Variants in SCARF1 observed in about 807,000 individuals in gnomAD.
SCARF1 encodes the protein acetyl LDL receptor.
Under a neutral mutation model 76.3 loss-of-function variants are expected in SCARF1, and 49 were observed. That is an observed-to-expected ratio of 0.64 (90% CI 0.51 to 0.81). The LOEUF (loss-of-function observed/expected upper bound fraction) is 0.81. SCARF1 is among the 40% of genes least tolerant of loss of function. The pLI is 0.00. For missense variants in SCARF1, 1,098 were observed against 1,143.9 expected, an observed-to-expected ratio of 0.96 and a Z score of 0.58; for synonymous variants, 495 against 474.6, an observed-to-expected ratio of 1.04 and a Z score of -0.56.
At chr17:1,641,824 T>C (rs1287224508) in intron 4 of SCARF1, among the ~76,000 whole-genome samples, 1 of 152,166 alleles carries the variant, frequency 6.6e-6, no homozygotes, top group African/African-American at 2.4e-5. Flanking sequence ...CGGGTTCAAG[T>C]GATTCTCCTG....
Position 1,640,360 on chromosome 17 carries a change from C to A in SCARF1, c.1010+88G>T. 1 of 1,231,310 alleles carries A rather than the reference C, an allele frequency of 8.1e-7. No homozygotes were observed. Among genetic ancestry groups the A allele is most frequent in the South Asian group, 1.4e-5 (1 of 71,248 alleles). The allele number at this position is 1,231,310 out of a possible 1,614,324, so 76.3% of individuals were successfully genotyped here. On this transcript the variant is annotated intron_variant, in intron 5 of 10. Transcript: ENST00000263071. This position sits in a 1 kb window ranked among gnomAD's most constrained non-coding sequence, Gnocchi z 4.7. The stretch of plus-strand genomic sequence containing the variant: ...CCTGGGGCCGCATGAACCTGTGTGT[C>A]GGGGAGGGTGGTGCTCTCGGAGAGA...
chr17:1,636,298 G>A (rs1280478567), intron 10 of SCARF1, among the ~76,000 whole-genome samples: 2 of 152,182 alleles, frequency 1.3e-5, no homozygotes, highest in Non-Finnish European at 2.9e-5. Flanking sequence ...TCTCTTGCAT[G>A]CCCGGAGCCA....
intron 8 of SCARF1, 120 bp downstream of exon 8, chr17:1,638,684 CAT>C: frequency 3.1e-6 from 4 of 1,287,972 alleles, no homozygotes; most frequent in South Asian, 1.9e-5. Flanking sequence ...TCCCCACCCC[CAT>C]CACCTCTGAC....
chr17:1,642,039 CTG>C (rs1910093327), intron 4 of SCARF1, among the ~76,000 whole-genome samples: 1 of 152,144 alleles, frequency 6.6e-6, no homozygotes, highest in Non-Finnish European at 1.5e-5. Flanking sequence ...AAATTTCTTA[CTG>C]TGAGTGCAGC....
rs1004602141 is a variant in SCARF1, at chr17:1,643,837, C to T, written c.396G>A (p.Pro132=). 1.6e-6 allele frequency: 2 copies of T among 1,270,370 alleles called. No homozygotes were observed. The highest frequency in any genetic ancestry group is 6.3e-5 in the East Asian group (2 of 31,700). The allele number at this position is 1,270,370 out of a possible 1,614,324, so 78.7% of individuals were successfully genotyped here. Residue 132 remains proline, a synonymous_variant, in exon 4 of 11, where the codon CCG becomes CCA. Coordinates refer to ENST00000263071, the MANE Select transcript of SCARF1 (RefSeq NM_003693.4). ...ADRWGARCEF[P]CACGPHGRCD... ...AGCGCCCGTGGGGGCCGCAGGCGCA[C>T]GGGAACTCGCAGCGGGCTCCCCAGC...
Position 1,644,493 on chromosome 17 carries a change from G to A in SCARF1, c.265+341C>T, listed in dbSNP as rs1313086012. On this transcript the variant is annotated intron_variant, in intron 3 of 10. Transcript: ENST00000263071. This position sits in a 1 kb window ranked among gnomAD's most constrained non-coding sequence, Gnocchi z 4.8. ...AGAGAGGGCAGAGAGCCCAGCCAGG[G>A]GCCCCCTTCCATCCACTGCCCATGT... The A allele has an allele frequency of 1.3e-5, 5 of 376,676 alleles. No individual in the cohort carries two copies. Among genetic ancestry groups the A allele is most frequent in the Non-Finnish European group, 2.4e-5 (5 of 206,850 alleles). 23.3% of individuals were successfully genotyped at this position (376,676 alleles called of 1,614,324 possible). A position where few individuals can be genotyped will look rare whatever the true frequency, so the allele number is the denominator to read the frequency against.
chr17:1,635,921 C>T (rs1909522044), intron 10 of SCARF1, among the ~76,000 whole-genome samples: 1 of 152,044 alleles, frequency 6.6e-6, no homozygotes, highest in African/African-American at 2.4e-5. Flanking sequence ...CACACCTGGT[C>T]TCTATACTCT....
chr17:1,634,705 C>A lies in SCARF1; in HGVS notation c.*53G>T. 6.6e-7 allele frequency: 1 copy of A among 1,509,584 alleles called. No homozygotes were observed. Among genetic ancestry groups the A allele is most frequent in the South Asian group, 1.4e-5 (1 of 72,600 alleles). The allele number at this position is 1,509,584 out of a possible 1,614,324, so 93.5% of individuals were successfully genotyped here. On this transcript the variant is annotated 3_prime_UTR_variant, in exon 11 of 11. Coordinates refer to ENST00000263071, the MANE Select transcript of SCARF1 (RefSeq NM_003693.4). Reference sequence around the variant, plus strand: ...TCCTGGCCCCGGGATCATTTTCCAGCACACAGCACAGTCTAGTCCATCCAC... The same window carrying A: ...TCCTGGCCCCGGGATCATTTTCCAGAACACAGCACAGTCTAGTCCATCCAC...
chr17:1,636,659 T>G, intron 10 of SCARF1, 50 bp downstream of exon 10: 6 of 1,575,934 alleles, frequency 3.8e-6, no homozygotes, highest in Non-Finnish European at 5.2e-6. Flanking sequence ...AAAGAGGGGG[T>G]CGTGGTGGGC....
chr17:1,641,867 G>A (rs1376657229), intron 4 of SCARF1, among the ~76,000 whole-genome samples: 8 of 152,130 alleles, frequency 5.3e-5, no homozygotes, highest in East Asian at 3.9e-4. Flanking sequence ...GATTACAGGC[G>A]CCCAACACCA....
At chr17:1,636,032 T>C (rs193039756) in intron 10 of SCARF1, among the ~76,000 whole-genome samples, 1 of 152,268 alleles carries the variant, frequency 6.6e-6, no homozygotes, top group Admixed American at 6.5e-5. Context: ...TCTGGGCCTT[T>C]GTGTATGCTG....
chr17:1,643,880 C>A lies in SCARF1; in HGVS notation c.353G>T (p.Cys118Phe). Residue 118 changes from cysteine (C) to phenylalanine (F), a missense_variant, in exon 4 of 11, where the codon TGC (cysteine) becomes TTC (phenylalanine). Coordinates refer to ENST00000263071, the MANE Select transcript of SCARF1 (RefSeq NM_003693.4). The stretch of plus-strand genomic sequence containing the variant: ...TCCCCAGCGGTCGGCCTGGCACTGG[C>A]ACGCGCCCGTGGCTGGCTCGCACTG... The part of the protein sequence containing the change: ...HGQCEPATGA[C>F]QCQADRWGAR... 1.5e-6 allele frequency: 2 copies of A among 1,307,814 alleles called. No individual in the cohort carries two copies. The highest frequency in any genetic ancestry group is 1.9e-6 in the Non-Finnish European group (2 of 1,032,506). 81.0% of individuals were successfully genotyped at this position (1,307,814 alleles called of 1,614,324 possible).
In SCARF1 at chr17:1,643,491, A is replaced by T. The variant is rs1356431672; in HGVS notation, c.742T>A (p.Cys248Ser). The change falls in exon 4 of 11, where the codon TGC (cysteine) becomes AGC (serine). Residue 248 changes from cysteine to serine, a missense_variant. Transcript: ENST00000263071. ...CTGCCTGCCGGGCAGGGCAGCTCGC[A>T]GCGCGCTCCGCGGAAGCCGGGCGGG... is the stretch of plus-strand genomic sequence containing the variant. ...TCPPGFRGAR[C>S]ELPCPAGSHG... The T allele has an allele frequency of 2.2e-6, 3 of 1,334,038 alleles. No homozygotes were observed. The highest frequency in any genetic ancestry group is 3.1e-5 in the African/African-American group (2 of 64,592). 82.6% of individuals were successfully genotyped at this position (1,334,038 alleles called of 1,614,324 possible).
chr17:1,640,397 G>T lies in SCARF1; in HGVS notation c.1010+51C>A. ...TGCTCTCGGAGAGAGCCGCTGAGCT[G>T]AGGGTCCTGGGGGAAGGTGTACCCC... On this transcript the variant is annotated intron_variant, in intron 5 of 10. Coordinates refer to ENST00000263071, the MANE Select transcript of SCARF1 (RefSeq NM_003693.4). This position sits in a 1 kb window ranked among gnomAD's most constrained non-coding sequence, Gnocchi z 4.7. 6.8e-7 allele frequency: 1 copy of T among 1,480,180 alleles called. No homozygotes were observed. Among genetic ancestry groups the T allele is most frequent in the Non-Finnish European group, 9.2e-7 (1 of 1,088,038 alleles). The allele number at this position is 1,480,180 out of a possible 1,614,324, so 91.7% of individuals were successfully genotyped here.
intron 4 of SCARF1, among the ~76,000 whole-genome samples, chr17:1,642,440 T>C (rs550916379): frequency 6.6e-5 from 10 of 150,570 alleles, no homozygotes; most frequent in Non-Finnish European, 1.3e-4. Context: ...CGGTGTTTGG[T>C]TTTTTGTTCT....
At chr17:1,635,708 A>G in intron 10 of SCARF1, 91 bp from the exon 11 acceptor site, 1 of 1,438,552 alleles carries the variant, frequency 7.0e-7, no homozygotes. Context: ...GGAGGCCTCA[A>G]AAATAGGGCA....
chr17:1,640,431 C>T lies in SCARF1; in HGVS notation c.1010+17G>A. On this transcript the variant is annotated intron_variant, in intron 5 of 10. Transcript: ENST00000263071. This position sits in a 1 kb window ranked among gnomAD's most constrained non-coding sequence, Gnocchi z 4.7. ...GGGGGAAGGTGTACCCCACCCTGAA[C>T]AGAATGGTGCCCTCACCTGGGCCCC... 6.5e-7 allele frequency: 1 copy of T among 1,545,472 alleles called. No individual in the cohort carries two copies. Among genetic ancestry groups the T allele is most frequent in the Non-Finnish European group, 8.7e-7 (1 of 1,143,804 alleles).
At chr17:1,639,833 A>C in intron 6 of SCARF1, 79 bp downstream of exon 6, 1 of 1,609,054 alleles carries the variant, frequency 6.2e-7, no homozygotes, top group Non-Finnish European at 8.5e-7. Context: ...GGCACTGTCC[A>C]GGGAAGTTCA....
At position 1,638,821 on chromosome 17, in the gene SCARF1, G is replaced by A. The variant is rs1246835506; in HGVS notation, c.1349C>T (p.Ser450Leu). 1 of 1,609,574 alleles carries A rather than the reference G, an allele frequency of 6.2e-7. No homozygotes were observed. Among genetic ancestry groups the A allele is most frequent in the Non-Finnish European group, 8.5e-7 (1 of 1,177,736 alleles). Reference protein sequence around the residue: ...CCACCCWAPRSDLKDRPARDG... With the variant: ...CCACCCWAPRLDLKDRPARDG... ...TGGCGTTCACCTGTCCTTGAGGTCTGATCGGGGGGCCCAGCAGCAGCAGGC... is the reference window on the plus strand; with the variant it reads ...TGGCGTTCACCTGTCCTTGAGGTCTAATCGGGGGGCCCAGCAGCAGCAGGC... Residue 450 changes from serine to leucine, a missense_variant, in exon 8 of 11, where the codon TCA becomes TTA. By Grantham distance (145) the Ser-to-Leu change is moderately radical. Transcript: ENST00000263071.
Sources: gnomAD v4.1 joint callset for allele counts (sites outside exome capture counted in the v4.1 genomes callset) on GRCh38, gnomAD v4.1.1 for gene constraint, Gnocchi (gnomAD v3.1) non-coding constraint, MANE v1.5 for transcripts, NCBI Gene and HGNC (gene_info 2026-07-23, HGNC 2026-07-21) for gene names.